MYO6: variants seen among roughly 807,000 people sequenced by gnomAD.
MYO6 encodes myosin VI, also known as unconventional myosin-VI.
In MYO6, 74 loss-of-function variants were observed where a neutral mutation model predicts 178.7. The observed-to-expected ratio is 0.41, with a 90% CI of 0.34 to 0.50. MYO6 has a LOEUF of 0.50. Ranked by LOEUF, MYO6 falls within the 20% of genes least tolerant of loss-of-function variation. The pLI is 0.09. For missense variants in MYO6, 1,330 were observed against 1,547.4 expected, an observed-to-expected ratio of 0.86 and a Z score of 2.36; for synonymous variants, 477 against 504.6, an observed-to-expected ratio of 0.95 and a Z score of 0.73.
At chr6:75,901,228 GTTCC>G (rs962435546) in intron 30 of MYO6, among the ~76,000 whole-genome samples, 111 of 152,076 alleles carry the variant, frequency 7.3e-4, no homozygotes, top group African/African-American at 2.7e-3. Flanking sequence ...CTCTTTTATG[GTTCC>G]ATATGAACTT....
chr6:75,756,914 C>T (rs868717440), intron 1 of MYO6, among the ~76,000 whole-genome samples: 2 of 134,144 alleles, frequency 1.5e-5, no homozygotes, highest in East Asian at 4.3e-4. Flanking sequence ...TATATATACA[C>T]ATATATATAC....
rs3778009 is a variant in MYO6 at position 75,842,318 on chromosome 6, C to T, written c.816+940C>T. ...GATTCTCAGGTTAGAAAACAGTGTA[C>T]TTGTATGGAGTATGGGAATGTAGTT... On this transcript the variant is annotated intron_variant, in intron 9 of 34. Transcript: ENST00000369977. Among the ~76,000 whole-genome samples the T allele has an allele frequency of 0.013, 1,993 of 152,162 alleles. 74 individuals carry two copies. In the East Asian group the frequency reaches 0.15, roughly 11 times the overall value.
intron 19 of MYO6, 109 bp from the exon 20 acceptor site, chr6:75,873,098 C>T (rs1777278146): frequency 3.5e-6 from 3 of 864,316 alleles, no homozygotes; most frequent in Non-Finnish European, 3.8e-6. Flanking sequence ...ATTACTTTTA[C>T]AGGTTCATAT....
chr6:75,848,588 T>A, intron 11 of MYO6, 57 bp downstream of exon 11: 1 of 1,555,388 alleles, frequency 6.4e-7, no homozygotes, highest in Non-Finnish European at 8.8e-7. Context: ...TGTTATTTAT[T>A]TGTCATATGA....
chr6:75,849,935 GC>G (rs1361879211), intron 11 of MYO6, among the ~76,000 whole-genome samples: 1 of 152,104 alleles, frequency 6.6e-6, no homozygotes, highest in Non-Finnish European at 1.5e-5. Context: ...CATAGATAAG[GC>G]CCACTGGTCA....
intron 1 of MYO6, among the ~76,000 whole-genome samples, chr6:75,793,616 A>G (rs934670422): frequency 1.4e-4 from 22 of 152,312 alleles, no homozygotes; most frequent in African/African-American, 4.6e-4. Context: ...AGAAAAAAAA[A>G]TTAAAATGAG....
chr6:75,854,957 T>C (rs920075908), intron 11 of MYO6, among the ~76,000 whole-genome samples, 182 bp from the exon 12 acceptor site: 9 of 152,188 alleles, frequency 5.9e-5, no homozygotes, highest in Non-Finnish European at 1.0e-4. Flanking sequence ...GGATCTTCTG[T>C]TGATCTTAGC....
intron 9 of MYO6, among the ~76,000 whole-genome samples, chr6:75,841,688 T>C (rs1774243595): frequency 6.6e-6 from 1 of 152,116 alleles, no homozygotes; most frequent in South Asian, 2.1e-4. Context: ...AGCGAGACCC[T>C]ATCTCAAAGA....
At chr6:75,901,021 T>A (rs1779730047) in intron 30 of MYO6, among the ~76,000 whole-genome samples, 1 of 151,884 alleles carries the variant, frequency 6.6e-6, no homozygotes, top group African/African-American at 2.4e-5. Flanking sequence ...TTTTCTCAGG[T>A]TTGTCAAAGA....
intron 1 of MYO6, among the ~76,000 whole-genome samples, chr6:75,779,834 T>C (rs1316526492): frequency 6.6e-6 from 1 of 152,254 alleles, no homozygotes; most frequent in Admixed American, 6.5e-5. Flanking sequence ...TTAACCAGTT[T>C]GTTGCTGTAG....
chr6:75,860,964 G>A, intron 14 of MYO6, 59 bp from the exon 15 acceptor site: 8 of 1,231,354 alleles, frequency 6.5e-6, no homozygotes, highest in Non-Finnish European at 9.6e-6. Flanking sequence ...CAGAAACAGT[G>A]CAAAATTCAC....
intron 32 of MYO6, among the ~76,000 whole-genome samples, chr6:75,909,441 T>C (rs1299932935): frequency 6.6e-6 from 1 of 152,196 alleles, no homozygotes; most frequent in African/African-American, 2.4e-5. Flanking sequence ...TGAGAAATAT[T>C]ACCTTGCTTC....
chr6:75,878,229 G>T (rs1777728793), intron 20 of MYO6, among the ~76,000 whole-genome samples: 1 of 145,694 alleles, frequency 6.9e-6, no homozygotes, highest in Admixed American at 6.8e-5. Flanking sequence ...ATGCTGGTTA[G>T]ATTAAGCTCT....
At chr6:75,836,017 G>T in intron 7 of MYO6, 61 bp downstream of exon 7, 1 of 1,139,494 alleles carries the variant, frequency 8.8e-7, no homozygotes, top group Non-Finnish European at 1.3e-6. Flanking sequence ...ACTTCTTTTA[G>T]TGGTCTGGAA....
intron 1 of MYO6, among the ~76,000 whole-genome samples, chr6:75,809,474 A>G (rs538526755): frequency 9.9e-5 from 15 of 152,178 alleles, no homozygotes; most frequent in African/African-American, 2.4e-4. Context: ...ATGAACGACT[A>G]TGGCCCGATG....
intron 28 of MYO6, 102 bp downstream of exon 28, chr6:75,892,792 T>C (rs1779005365): frequency 1.6e-6 from 2 of 1,213,966 alleles, no homozygotes; most frequent in Admixed American, 2.4e-5. Flanking sequence ...AATAATATTC[T>C]GAAGGCCCTG....
At chr6:75,764,621 T>C (rs1490164449) in intron 1 of MYO6, among the ~76,000 whole-genome samples, 3 of 152,180 alleles carry the variant, frequency 2.0e-5, no homozygotes, top group Non-Finnish European at 1.5e-5. Context: ...TTTTGATCAG[T>C]GGATCTCAGG....
intron 4 of MYO6, 68 bp downstream of exon 4, chr6:75,828,681 G>C: frequency 9.6e-7 from 1 of 1,038,016 alleles, no homozygotes; most frequent in African/African-American, 1.6e-5. Context: ...CTTTGATTTT[G>C]TCACGCTTGA....
intron 1 of MYO6, among the ~76,000 whole-genome samples, chr6:75,754,519 C>CAAAA (rs58162315): frequency 0.43 from 18,829 of 44,166 alleles, 7,332 homozygotes; most frequent in Non-Finnish European, 0.49. Context: ...GACTCCGTCT[C>CAAAA]AAAAAAAAAA....
Sources: allele counts gnomAD v4.1 joint callset (sites outside exome capture counted in the v4.1 genomes callset), GRCh38; gene constraint gnomAD v4.1.1; transcripts MANE v1.5; gene names NCBI Gene and HGNC (gene_info 2026-07-23, HGNC 2026-07-21).